The following EYS variants were observed in gnomAD, a reference collection of about 807,000 sequenced individuals.
EYS encodes the protein EGF-like photoreceptor maintenance factor, also known as protein eyes shut homolog.
Under a neutral mutation model 282.1 loss-of-function variants are expected in EYS, and 250 were observed. That is an observed-to-expected ratio of 0.89 (90% CI 0.80 to 0.98). EYS has a LOEUF of 0.98. EYS is among the 50% of genes least tolerant of loss of function. The probability of loss-of-function intolerance (pLI) is 0.00; values close to 1 mark genes in which losing one functional copy is unlikely to be tolerated. For synonymous variants in EYS, 1,355 were observed against 1,282.9 expected (o/e 1.06, Z -1.20); for missense variants, 4,016 against 3,709.0 (o/e 1.08, Z -2.15).
intron 12 of EYS, among the ~76,000 whole-genome samples, chr6:65,103,544 T>C (rs1774951746): frequency 1.3e-5 from 2 of 151,486 alleles, no homozygotes; most frequent in South Asian, 4.1e-4. Flanking sequence ...ATGGGACCCA[T>C]GCTGTTGACT....
At chr6:64,821,086 C>T (rs182104395) in intron 21 of EYS, among the ~76,000 whole-genome samples, 7 of 151,912 alleles carry the variant, frequency 4.6e-5, no homozygotes, top group Non-Finnish European at 1.0e-4. Flanking sequence ...AATTCTCAGT[C>T]GACCAACATT....
chr6:64,960,305 T>A (rs1769868509), intron 14 of EYS, among the ~76,000 whole-genome samples: 1 of 152,158 alleles, frequency 6.6e-6, no homozygotes, highest in Non-Finnish European at 1.5e-5. Flanking sequence ...TCATATGTCA[T>A]ATAATCATTT....
chr6:65,438,556 G>C (rs1391127413), intron 5 of EYS, among the ~76,000 whole-genome samples: 3 of 152,132 alleles, frequency 2.0e-5, no homozygotes, highest in African/African-American at 7.2e-5. Context: ...ATTCTAACTG[G>C]TGTGAGATGC....
At chr6:65,688,029 T>C (rs548408841) in intron 1 of EYS, among the ~76,000 whole-genome samples, 1 of 152,082 alleles carries the variant, frequency 6.6e-6, no homozygotes, top group Admixed American at 6.6e-5. Context: ...ATAGATCCAA[T>C]GCCTCCCCAT....
At chr6:65,485,083 T>C (rs1765740406) in intron 5 of EYS, among the ~76,000 whole-genome samples, 1 of 152,214 alleles carries the variant, frequency 6.6e-6, no homozygotes, top group African/African-American at 2.4e-5. Flanking sequence ...GAACATTTCT[T>C]ATTCTACAAT....
intron 29 of EYS, among the ~76,000 whole-genome samples, chr6:64,309,980 T>TCAA: frequency 7.3e-6 from 1 of 137,524 alleles, no homozygotes; most frequent in South Asian, 2.3e-4. Context: ...AAAAAAATGC[T>TCAA]CAACATCACT....
At chr6:65,256,392 T>C (rs1416406201) in intron 12 of EYS, among the ~76,000 whole-genome samples, 1 of 140,208 alleles carries the variant, frequency 7.1e-6, no homozygotes, top group Non-Finnish European at 1.5e-5. Flanking sequence ...TAGCATTAGG[T>C]ATATCTCCCA....
At chr6:64,918,699 A>C (rs1034938038) in intron 15 of EYS, among the ~76,000 whole-genome samples, 1 of 152,220 alleles carries the variant, frequency 6.6e-6, no homozygotes. Flanking sequence ...GTGAGGAGTG[A>C]GGACTCAGTG....
At chr6:63,999,877 C>T (rs959686578) in intron 33 of EYS, among the ~76,000 whole-genome samples, 5 of 152,016 alleles carry the variant, frequency 3.3e-5, no homozygotes, top group Admixed American at 3.3e-4. Flanking sequence ...TTTTAAGCAG[C>T]TTATTTAGAG....
At chr6:64,959,430 A>G (rs1269806103) in intron 14 of EYS, among the ~76,000 whole-genome samples, 1 of 152,198 alleles carries the variant, frequency 6.6e-6, no homozygotes, top group East Asian at 1.9e-4. Flanking sequence ...GAATTCAGGA[A>G]TGAAGGTTCT....
intron 12 of EYS, among the ~76,000 whole-genome samples, chr6:65,237,432 A>G (rs1766956136): frequency 6.6e-6 from 1 of 152,160 alleles, no homozygotes; most frequent in Non-Finnish European, 1.5e-5. Context: ...TTTCCAGTAG[A>G]CCTTCCACAC....
intron 12 of EYS, among the ~76,000 whole-genome samples, chr6:65,089,943 CA>C (rs376305956): frequency 0.14 from 10,601 of 77,810 alleles, 439 homozygotes; most frequent in African/African-American, 0.17. Context: ...GGCAAGAAAG[CA>C]AAAAAAAAAA....
At chr6:63,908,016 A>G (rs1323682614) in intron 35 of EYS, among the ~76,000 whole-genome samples, 13 of 91,080 alleles carry the variant, frequency 1.4e-4, no homozygotes, top group East Asian at 6.8e-4. Flanking sequence ...ACAAACGTAT[A>G]TATATATATA....
Position 64,185,882 on chromosome 6 carries a change from T to C in EYS, c.6424+44710A>G, listed in dbSNP as rs115079072. 1.9e-3 allele frequency among the ~76,000 whole-genome samples: 288 copies of C among 152,272 alleles called. 2 individuals are homozygous for C. The highest frequency in any genetic ancestry group is 6.6e-3 in the African/African-American group (276 of 41,566). ...ATCCTTACTATATGTGGAAAGTTGA[T>C]AGTCATACCATTTTTGTTTTAGATG... On this transcript the variant is annotated intron_variant, in intron 31 of 42. Coordinates refer to ENST00000503581, the MANE Select transcript of EYS (RefSeq NM_001142800.2).
chr6:63,842,119 T>A (rs549009851), intron 36 of EYS, among the ~76,000 whole-genome samples: 1 of 152,336 alleles, frequency 6.6e-6, no homozygotes, highest in South Asian at 2.1e-4. Flanking sequence ...CCTTTGGGTA[T>A]ACACCAGTAA....
At chr6:65,162,890 C>T (rs73439498) in intron 12 of EYS, among the ~76,000 whole-genome samples, 6,350 of 143,476 alleles carry the variant, frequency 0.044, 236 homozygotes, top group African/African-American at 0.1. Flanking sequence ...CTTGTCACTG[C>T]AACAAGGCCT....
At chr6:65,416,556 C>G (rs1038775944) in intron 5 of EYS, among the ~76,000 whole-genome samples, 8 of 151,906 alleles carry the variant, frequency 5.3e-5, no homozygotes, top group Admixed American at 3.3e-4. Flanking sequence ...CAAACTAGCT[C>G]TGCTATCCTA....
intron 31 of EYS, among the ~76,000 whole-genome samples, chr6:64,122,843 T>C (rs1306974700): frequency 6.6e-6 from 1 of 152,086 alleles, no homozygotes; most frequent in African/African-American, 2.4e-5. Flanking sequence ...AGATTTATGA[T>C]GCAAAAAGTA....
chr6:65,204,811 A>T (rs1303502279), intron 12 of EYS, among the ~76,000 whole-genome samples: 1 of 145,232 alleles, frequency 6.9e-6, no homozygotes, highest in East Asian at 2.0e-4. Flanking sequence ...TTCTGGAAGA[A>T]CATATTTATA....
Sources: gnomAD v4.1 joint callset for allele counts (sites outside exome capture counted in the v4.1 genomes callset) on GRCh38, gnomAD v4.1.1 for gene constraint, MANE v1.5 for transcripts, NCBI Gene and HGNC (gene_info 2026-07-23, HGNC 2026-07-21) for gene names.